The following SCAI variants were observed in gnomAD, a reference collection of about 807,000 sequenced individuals.
SCAI encodes protein SCAI.
Under a neutral mutation model 92.2 loss-of-function variants are expected in SCAI, and 24 were observed. The observed-to-expected ratio is 0.26, with a 90% CI of 0.19 to 0.37. The LOEUF (loss-of-function observed/expected upper bound fraction) is 0.37, where lower values mean the gene tolerates loss of function less well. SCAI is among the 10% of genes least tolerant of loss of function. The probability of loss-of-function intolerance (pLI) is 1.00; values close to 1 mark genes in which losing one functional copy is unlikely to be tolerated. For missense variants in SCAI, 450 were observed against 736.2 expected (o/e 0.61, Z 4.50); for synonymous variants, 261 against 258.6 (o/e 1.01, Z -0.09).
intron 17 of SCAI, chr9:124,968,942 TGG>T: frequency 2.4e-6 from 1 of 408,204 alleles, no homozygotes; most frequent in African/African-American, 2.1e-5. Context: ...ATTTATTTTT[TGG>T]AAAAAAAAAA....
intron 2 of SCAI, among the ~76,000 whole-genome samples, chr9:125,106,954 A>T (rs1834814908): frequency 6.7e-6 from 1 of 149,774 alleles, no homozygotes; most frequent in South Asian, 2.1e-4. Flanking sequence ...GGCTCAAATG[A>T]TCCTCCTGCC....
intron 14 of SCAI, among the ~76,000 whole-genome samples, chr9:124,989,886 C>A (rs1832082102): frequency 8.2e-6 from 1 of 121,348 alleles, no homozygotes. Context: ...CACACACACA[C>A]AAAAAAGGCC....
At chr9:124,970,140 C>T (rs1831627778) in intron 17 of SCAI, among the ~76,000 whole-genome samples, 2 of 152,278 alleles carry the variant, frequency 1.3e-5, no homozygotes, top group East Asian at 3.9e-4. Flanking sequence ...GTGTGAGCCA[C>T]TGCGCCTGGC....
At chr9:125,054,761 GA>G (rs1246822781) in intron 3 of SCAI, among the ~76,000 whole-genome samples, 5 of 152,160 alleles carry the variant, frequency 3.3e-5, no homozygotes, top group Non-Finnish European at 7.3e-5. Context: ...AAGAGTGCAA[GA>G]GTTAAGAATA....
At chr9:125,025,061 C>T (rs1447980829) in intron 6 of SCAI, among the ~76,000 whole-genome samples, 2 of 152,124 alleles carry the variant, frequency 1.3e-5, no homozygotes, top group African/African-American at 2.4e-5. Flanking sequence ...GGAATACTTC[C>T]TTATTGGTTT....
intron 9 of SCAI, among the ~76,000 whole-genome samples, chr9:125,008,972 T>G (rs575507704): frequency 9.9e-5 from 15 of 152,204 alleles, no homozygotes; most frequent in Middle Eastern, 3.4e-3. Flanking sequence ...AACATTTCCT[T>G]AAGTGGATAT....
At chr9:124,998,024 C>T (rs150570033) in intron 13 of SCAI, among the ~76,000 whole-genome samples, 1 of 152,150 alleles carries the variant, frequency 6.6e-6, no homozygotes, top group African/African-American at 2.4e-5. Flanking sequence ...AGGATGGTCT[C>T]AAACTCCTGG....
intron 6 of SCAI, among the ~76,000 whole-genome samples, chr9:125,024,481 T>G (rs1832930088): frequency 6.6e-6 from 1 of 152,140 alleles, no homozygotes; most frequent in Non-Finnish European, 1.5e-5. Flanking sequence ...TTCACCATGT[T>G]AACCAGGATG....
chr9:125,137,833 C>G (rs1445993415), intron 2 of SCAI, among the ~76,000 whole-genome samples: 2 of 152,138 alleles, frequency 1.3e-5, no homozygotes, highest in Non-Finnish European at 2.9e-5. Context: ...AACTCCTGAC[C>G]TCAGGTGATC....
chr9:124,967,695 G>T (rs184747678), intron 17 of SCAI, among the ~76,000 whole-genome samples: 3 of 152,094 alleles, frequency 2.0e-5, no homozygotes, highest in Non-Finnish European at 4.4e-5. Context: ...ATATGTGGAA[G>T]AAACAGCACT....
chr9:125,036,226 G>A (rs1293831289), intron 3 of SCAI, among the ~76,000 whole-genome samples: 3 of 152,078 alleles, frequency 2.0e-5, no homozygotes, highest in Non-Finnish European at 4.4e-5. Flanking sequence ...GGGTATGGTG[G>A]GGATTAGACA....
chr9:125,138,032 G>A (rs1216066634), intron 2 of SCAI, among the ~76,000 whole-genome samples: 1 of 152,148 alleles, frequency 6.6e-6, no homozygotes, highest in East Asian at 1.9e-4. Flanking sequence ...TAGCAATGAT[G>A]CAGGACTTTC....
At chr9:124,991,389 A>G (rs1244117859) in intron 14 of SCAI, among the ~76,000 whole-genome samples, 1 of 151,340 alleles carries the variant, frequency 6.6e-6, no homozygotes, top group Non-Finnish European at 1.5e-5. Flanking sequence ...TTAACGAGTA[A>G]TATTTAAATG....
At chr9:125,044,466 C>G (rs1463379675) in intron 3 of SCAI, among the ~76,000 whole-genome samples, 2 of 152,168 alleles carry the variant, frequency 1.3e-5, no homozygotes, top group East Asian at 3.9e-4. Context: ...TACTACAGGT[C>G]TCCTCTCTGC....
At chr9:125,100,513 C>G (rs1266098815) in intron 2 of SCAI, among the ~76,000 whole-genome samples, 1 of 152,214 alleles carries the variant, frequency 6.6e-6, no homozygotes, top group African/African-American at 2.4e-5. Context: ...GCTTTAATCA[C>G]TATTCATTCT....
At chr9:125,021,391 C>T (rs1222828431) in intron 6 of SCAI, among the ~76,000 whole-genome samples, 1 of 152,148 alleles carries the variant, frequency 6.6e-6, no homozygotes, top group Non-Finnish European at 1.5e-5. Context: ...CTATGTTCCT[C>T]TGTTGTTCCT....
intron 2 of SCAI, among the ~76,000 whole-genome samples, chr9:125,132,855 C>T (rs1351816786): frequency 1.3e-5 from 2 of 152,128 alleles, no homozygotes; most frequent in Non-Finnish European, 2.9e-5. Context: ...ATCCCAGCTA[C>T]TCAGGAGGCT....
intron 14 of SCAI, among the ~76,000 whole-genome samples, chr9:124,976,741 A>G (rs1261557139): frequency 6.6e-6 from 1 of 152,250 alleles, no homozygotes; most frequent in Non-Finnish European, 1.5e-5. Context: ...AAGTAAAATC[A>G]TAAGCTGTGT....
intron 2 of SCAI, among the ~76,000 whole-genome samples, chr9:125,125,879 TTC>T (rs372611613): frequency 5.8e-5 from 8 of 138,162 alleles, no homozygotes; most frequent in Non-Finnish European, 3.1e-5. Flanking sequence ...CACACACATA[TTC>T]TCTCTCTCAT....
Sources: gnomAD v4.1 joint callset for allele counts (sites outside exome capture counted in the v4.1 genomes callset) on GRCh38, gnomAD v4.1.1 for gene constraint, MANE v1.5 for transcripts, NCBI Gene and HGNC (gene_info 2026-07-23, HGNC 2026-07-21) for gene names.